The following KLHL28 variants were observed in gnomAD, a reference collection of about 807,000 sequenced individuals.
The protein encoded by KLHL28 is kelch-like protein 28.
In KLHL28, 22 loss-of-function variants were observed where a neutral mutation model predicts 48.3. The ratio of observed to expected loss-of-function variants is 0.46; its 90% CI spans 0.33 to 0.65. The LOEUF (loss-of-function observed/expected upper bound fraction) is 0.65, where lower values mean the gene tolerates loss of function less well. Among genes scored for constraint, KLHL28 ranks in the 30% least tolerant of loss-of-function variants. The probability of loss-of-function intolerance (pLI) is 0.03; values close to 1 mark genes in which losing one functional copy is unlikely to be tolerated. For synonymous variants in KLHL28, 243 were observed against 242.4 expected (o/e 1.00, Z -0.02); for missense variants, 527 against 704.3 (o/e 0.75, Z 2.85).
chr14:44,925,989 T>A lies in KLHL28; in HGVS notation c.*3039A>T, dbSNP rs1883359930. ...TTTCTGGGAAATCTTAAATAGCTTTTCTCTTCTTGCCTGAATATGTAAAAT... is the reference window on the plus strand; with the variant it reads ...TTTCTGGGAAATCTTAAATAGCTTTACTCTTCTTGCCTGAATATGTAAAAT... On this transcript the variant is annotated 3_prime_UTR_variant, in exon 5 of 5. Coordinates refer to ENST00000396128, the MANE Select transcript of KLHL28 (RefSeq NM_017658.5). 1.3e-5 allele frequency: 2 copies of A among 152,200 alleles called. No homozygotes were observed. The highest frequency in any genetic ancestry group is 4.8e-5 in the African/African-American group (2 of 41,454). 9.4% of individuals were successfully genotyped at this position (152,200 alleles called of 1,614,324 possible). A position where few individuals can be genotyped will look rare whatever the true frequency, so the allele number is the denominator to read the frequency against.
intron 1 of KLHL28, among the ~76,000 whole-genome samples, chr14:44,956,111 C>T (rs1408030030): frequency 6.6e-6 from 1 of 152,028 alleles, no homozygotes; most frequent in East Asian, 1.9e-4. Flanking sequence ...ACTGGGTTTC[C>T]AAATAGATGA....
chr14:44,944,721 A>G (rs1046796849), intron 2 of KLHL28, among the ~76,000 whole-genome samples: 8 of 152,184 alleles, frequency 5.3e-5, no homozygotes, highest in African/African-American at 1.9e-4. Flanking sequence ...TCTGACTCAA[A>G]TAAACATGTA....
chr14:44,946,339 C>T (rs1372633528), intron 1 of KLHL28, among the ~76,000 whole-genome samples: 1 of 152,170 alleles, frequency 6.6e-6, no homozygotes, highest in Admixed American at 6.5e-5. Context: ...ACAAACAACA[C>T]TATTTGCCAA....
At chr14:44,956,973 A>T (rs1884818170) in intron 1 of KLHL28, among the ~76,000 whole-genome samples, 1 of 152,152 alleles carries the variant, frequency 6.6e-6, no homozygotes, top group South Asian at 2.1e-4. Context: ...GCATGCTACC[A>T]TGCCTGGCTA....
Position 44,946,088 on chromosome 14 carries a change from T to A in KLHL28, c.1-160A>T, listed in dbSNP as rs567600921. 3.9e-5 allele frequency among the ~76,000 whole-genome samples: 6 copies of A among 152,318 alleles called. No homozygotes were observed. In the South Asian group the frequency reaches 1.2e-3, roughly 32 times the overall value. On this transcript the variant is annotated intron_variant, in intron 1 of 4. Transcript: ENST00000396128. ...ATACTAGAACTAGAGGCTTTCAGAG[T>A]TAGAAGAGATTTAACAATCACATCA...
chr14:44,955,200 G>C (rs1402796355), intron 1 of KLHL28, among the ~76,000 whole-genome samples: 1 of 150,532 alleles, frequency 6.6e-6, no homozygotes, highest in Admixed American at 6.6e-5. Flanking sequence ...ATAAATATAT[G>C]TATATAAATA....
rs1437560556 is a variant in KLHL28 at position 44,939,825 on chromosome 14, C to G, written c.899+5205G>C. Among the ~76,000 whole-genome samples, 3 of 152,166 alleles carry G rather than the reference C, an allele frequency of 2.0e-5. No homozygotes were observed. In the East Asian group the frequency reaches 5.8e-4, roughly 29 times the overall value. On this transcript the variant is annotated intron_variant, in intron 2 of 4. Coordinates refer to ENST00000396128, the MANE Select transcript of KLHL28 (RefSeq NM_017658.5). ...AACATTCTATTCACGGCAATCTAGG[C>G]TTCTTCCAGACTCCTACTTAAAATT...
At chr14:44,943,909 T>G (rs972633952) in intron 2 of KLHL28, among the ~76,000 whole-genome samples, 14 of 152,008 alleles carry the variant, frequency 9.2e-5, no homozygotes, top group Non-Finnish European at 4.4e-5. Context: ...AAGGACAGGA[T>G]CTCGTTATAA....
Position 44,927,005 on chromosome 14 carries a change from A to G in KLHL28, c.*2023T>C, listed in dbSNP as rs1333702122. 1 of 152,766 alleles carries G rather than the reference A, an allele frequency of 6.5e-6. No homozygotes were observed. The highest frequency in any genetic ancestry group is 2.4e-5 in the African/African-American group (1 of 41,578). 9.5% of individuals were successfully genotyped at this position (152,766 alleles called of 1,614,324 possible). A position where few individuals can be genotyped will look rare whatever the true frequency, so the allele number is the denominator to read the frequency against. On this transcript the variant is annotated 3_prime_UTR_variant, in exon 5 of 5. Transcript: ENST00000396128. ...AAGTCTGGGCCAACTACAATAGTGC[A>G]CCTATTTCTATGCAATAGATTTATT...
At chr14:44,957,717 A>G (rs1473398082) in intron 1 of KLHL28, among the ~76,000 whole-genome samples, 2 of 152,186 alleles carry the variant, frequency 1.3e-5, no homozygotes, top group Non-Finnish European at 2.9e-5. Flanking sequence ...TTTTACAGAT[A>G]AAGAAATGTG....
intron 1 of KLHL28, among the ~76,000 whole-genome samples, chr14:44,960,531 T>G (rs1457890654): frequency 1.3e-5 from 2 of 152,172 alleles, no homozygotes; most frequent in Non-Finnish European, 2.9e-5. Flanking sequence ...TCATTTCTTG[T>G]TTTTCACCTC....
intron 2 of KLHL28, among the ~76,000 whole-genome samples, chr14:44,935,116 A>G (rs935507349): frequency 2.0e-5 from 3 of 152,262 alleles, no homozygotes; most frequent in African/African-American, 7.2e-5. Context: ...ATTGTGCCAT[A>G]TCATATAAAA....
At chr14:44,931,576 C>G (rs779117759) in intron 3 of KLHL28, 35 bp from the exon 4 acceptor site, 3 of 1,525,398 alleles carry the variant, frequency 2.0e-6, no homozygotes, top group Non-Finnish European at 2.7e-6. Context: ...ATTTACAGAT[C>G]TTTTGTGTCA....
At chr14:44,951,849 GTTTTGT>G (rs1215603359) in intron 1 of KLHL28, among the ~76,000 whole-genome samples, 4 of 151,978 alleles carry the variant, frequency 2.6e-5, no homozygotes, top group Non-Finnish European at 4.4e-5. Flanking sequence ...TAATTTTTTT[GTTTTGT>G]TTTTGTTTTT....
rs1883359851 is a variant in KLHL28, at chr14:44,925,984, G to C, written c.*3044C>G. ...AAATATTTCTGGGAAATCTTAAATA[G>C]CTTTTCTCTTCTTGCCTGAATATGT... On this transcript the variant is annotated 3_prime_UTR_variant, in exon 5 of 5. Coordinates refer to ENST00000396128, the MANE Select transcript of KLHL28 (RefSeq NM_017658.5). 6.6e-6 allele frequency: 1 copy of C among 152,084 alleles called. No individual in the cohort carries two copies. The allele number at this position is 152,084 out of a possible 1,614,324, so 9.4% of individuals were successfully genotyped here. A position where few individuals can be genotyped will look rare whatever the true frequency, so the allele number is the denominator to read the frequency against.
chr14:44,956,694 T>C (rs1049036763), intron 1 of KLHL28, among the ~76,000 whole-genome samples: 1 of 152,240 alleles, frequency 6.6e-6, no homozygotes, highest in Non-Finnish European at 1.5e-5. Context: ...AAATACAACC[T>C]GTGAACCATA....
In KLHL28 at chr14:44,929,178, A is replaced by G. The variant is rs1883483060; in HGVS notation, c.1566T>C (p.Ala522=). The G allele has an allele frequency of 6.2e-7, 1 of 1,606,158 alleles. No homozygotes were observed. Among genetic ancestry groups the G allele is most frequent in the Non-Finnish European group, 8.5e-7 (1 of 1,175,404 alleles). Residue 522 remains alanine (A), a synonymous_variant, in exon 5 of 5, where the codon GCT becomes GCC. Transcript: ENST00000396128. ...MKEPRTGVGA[A]VIDNYLYVVG... ...CGACATAAAGGTAGTTATCGATTACAGCAGCACCAACTCCTAGGAAAGGTT... is the reference window on the plus strand; with the variant it reads ...CGACATAAAGGTAGTTATCGATTACGGCAGCACCAACTCCTAGGAAAGGTT...
Position 44,929,252 on chromosome 14 carries a change from A to C in KLHL28, c.1553-61T>G, listed in dbSNP as rs528050424. On this transcript the variant is annotated intron_variant, in intron 4 of 4. Coordinates refer to ENST00000396128, the MANE Select transcript of KLHL28 (RefSeq NM_017658.5). ...TTAACCATGAAGTATACTTTTTCTC[A>C]CTAAAAATAAATTTGTATTTTAATG... The C allele has an allele frequency of 1.3e-5, 18 of 1,362,244 alleles. No homozygotes were observed. The African/African-American group carries it at 2.5e-4, about 19-fold the overall frequency. 84.4% of individuals were successfully genotyped at this position (1,362,244 alleles called of 1,614,324 possible).
At chr14:44,934,076 A>G (rs1387219056) in intron 3 of KLHL28, 39 bp downstream of exon 3, 2 of 1,471,316 alleles carry the variant, frequency 1.4e-6, no homozygotes, top group African/African-American at 2.8e-5. Context: ...ACTTTTAAAA[A>G]TCCATAAACA....
Sources: gnomAD v4.1 joint callset for allele counts (sites outside exome capture counted in the v4.1 genomes callset) on GRCh38, gnomAD v4.1.1 for gene constraint, MANE v1.5 for transcripts, NCBI Gene and HGNC (gene_info 2026-07-23, HGNC 2026-07-21) for gene names.